The following OPHN1 variants were observed in gnomAD, a reference collection of about 807,000 sequenced individuals.
OPHN1 encodes oligophrenin 1.
Under a neutral mutation model 60.7 loss-of-function variants are expected in OPHN1, and 11 were observed. The ratio of observed to expected loss-of-function variants is 0.18; its 90% confidence interval spans 0.11 to 0.30. OPHN1 has a LOEUF of 0.30. Ranked by LOEUF, OPHN1 falls within the 10% of genes least tolerant of loss-of-function variation. The pLI is 1.00. For missense variants in OPHN1, 449 were observed against 611.0 expected, an observed-to-expected ratio of 0.73 and a Z score of 2.80; for synonymous variants, 226 against 222.6, an observed-to-expected ratio of 1.02 and a Z score of -0.14.
intron 5 of OPHN1, among the ~76,000 whole-genome samples, chrX:68,264,974 T>G: frequency 8.9e-6 from 1 of 112,185 alleles, no homozygotes; most frequent in Non-Finnish European, 1.9e-5. Context: ...GCAGCGAGGC[T>G]GGGGGAGGGG....
In OPHN1 at chrX:68,339,088, AT is replaced by A. The variant is rs1249408777; in HGVS notation, c.155-39993del. On this transcript the variant is annotated intron_variant, in intron 2 of 24. Transcript: ENST00000355520. Reference sequence around the variant, plus strand: ...GTGAGACCCTGTCTGAAAAAAAAAAATATATATATATATATATTTATATATA... The same window carrying A: ...GTGAGACCCTGTCTGAAAAAAAAAAAATATATATATATATATTTATATATA... Among the ~76,000 whole-genome samples the A allele has an allele frequency of 1.8e-3, 156 of 88,999 alleles. No homozygotes were observed. The Middle Eastern group carries it at 0.021, about 12-fold the overall frequency. The allele number at this position is 88,999 out of a possible 115,157, so 77.3% of individuals were successfully genotyped here.
intron 16 of OPHN1, 36 bp downstream of exon 16, chrX:68,119,212 T>C (rs1367743831): frequency 9.6e-7 from 1 of 1,038,648 alleles, no homozygotes; most frequent in South Asian, 1.9e-5. Context: ...TTTCACCAGC[T>C]ATGAAAAGCA....
chrX:68,426,239 G>A (rs1333477369), intron 2 of OPHN1, among the ~76,000 whole-genome samples: 1 of 110,445 alleles, frequency 9.1e-6, no homozygotes, highest in Admixed American at 9.6e-5. Flanking sequence ...TCAGGAGTTC[G>A]AGACCAGCCT....
At chrX:68,387,313 A>G (rs1041600603) in intron 2 of OPHN1, among the ~76,000 whole-genome samples, 1 of 108,792 alleles carries the variant, frequency 9.2e-6, no homozygotes, top group Non-Finnish European at 1.9e-5. Flanking sequence ...GTTTCTCACC[A>G]TCTCCACCAC....
At position 68,108,519 on chromosome X, in the gene OPHN1, T is replaced by C. The variant is rs777798759; in HGVS notation, c.1526+3335A>G. On this transcript the variant is annotated intron_variant, in intron 18 of 24. Coordinates refer to ENST00000355520, the MANE Select transcript of OPHN1 (RefSeq NM_002547.3). The stretch of plus-strand genomic sequence containing the variant: ...TATGTCTTTTTTATCAGTATCTCTT[T>C]TGTACACTATAAACTTAGCTTGTGA... Among the ~76,000 whole-genome samples the C allele has an allele frequency of 1.3e-4, 14 of 111,947 alleles. No individual in the cohort carries two copies. In the South Asian group the frequency reaches 5.2e-3, roughly 42 times the overall value.
chrX:68,111,739 A>G, intron 18 of OPHN1, 115 bp downstream of exon 18: 1 of 551,196 alleles, frequency 1.8e-6, no homozygotes, highest in South Asian at 2.4e-5. Context: ...TTCAGCTTCC[A>G]AGGAAGCACT....
chrX:68,283,154 A>C, intron 3 of OPHN1, 37 bp from the exon 4 acceptor site: 1 of 1,082,454 alleles, frequency 9.2e-7, no homozygotes, highest in Non-Finnish European at 1.3e-6. Context: ...CAAATTAATC[A>C]TGGTGCTTGA....
At chrX:68,117,843 C>T (rs780557616) in intron 16 of OPHN1, among the ~76,000 whole-genome samples, 1 of 111,702 alleles carries the variant, frequency 9.0e-6, no homozygotes, top group Non-Finnish European at 1.9e-5. Flanking sequence ...GCCGCCCACT[C>T]GCACTTTCAG....
chrX:68,196,858 T>C (rs1277849400), intron 12 of OPHN1, among the ~76,000 whole-genome samples: 1 of 112,249 alleles, frequency 8.9e-6, no homozygotes, highest in Non-Finnish European at 1.9e-5. Flanking sequence ...ATATTGATTT[T>C]ATAACCTGAA....
At chrX:68,245,441 T>C (rs1223165919) in intron 5 of OPHN1, among the ~76,000 whole-genome samples, 3 of 112,488 alleles carry the variant, frequency 2.7e-5, no homozygotes, top group African/African-American at 9.7e-5. Context: ...ATTTCCTTAT[T>C]TAAATAGTAA....
In OPHN1 at chrX:68,132,048, G is replaced by T. The variant is rs781427679; in HGVS notation, c.1277-12716C>A. 5.4e-5 allele frequency among the ~76,000 whole-genome samples: 6 copies of T among 111,981 alleles called. No homozygotes were observed. The South Asian group carries it at 1.9e-3, about 35-fold the overall frequency. ...AAAACACTACATATCAAAATCTGTG[G>T]GATACATTTAATGAGGCGATTAGAG... is the stretch of plus-strand genomic sequence containing the variant. On this transcript the variant is annotated intron_variant, in intron 15 of 24. Transcript: ENST00000355520.
chrX:68,377,329 C>G (rs1264079253), intron 2 of OPHN1, among the ~76,000 whole-genome samples: 1 of 109,432 alleles, frequency 9.1e-6, no homozygotes, highest in Non-Finnish European at 1.9e-5. Flanking sequence ...ATCTCCTGAC[C>G]TCGTGATCCG....
At chrX:68,308,261 T>A (rs1602313159) in intron 2 of OPHN1, among the ~76,000 whole-genome samples, 1 of 111,729 alleles carries the variant, frequency 9.0e-6, no homozygotes, top group Admixed American at 9.5e-5. Flanking sequence ...TGTGGGGGGA[T>A]TAAAATAAGA....
At chrX:68,079,633 A>G (rs780439177) in intron 19 of OPHN1, among the ~76,000 whole-genome samples, 1 of 111,561 alleles carries the variant, frequency 9.0e-6, no homozygotes, top group African/African-American at 3.3e-5. Context: ...CGCTTTCTCA[A>G]CCGTGTCATC....
intron 5 of OPHN1, among the ~76,000 whole-genome samples, chrX:68,270,703 C>T (rs1322865113): frequency 9.2e-6 from 1 of 109,053 alleles, no homozygotes; most frequent in Non-Finnish European, 1.9e-5. Context: ...CAAACCTGCA[C>T]GTTGTGCACA....
At chrX:68,234,665 G>T in intron 5 of OPHN1, 77 bp from the exon 6 acceptor site, 2 of 802,345 alleles carry the variant, frequency 2.5e-6, no homozygotes, top group Non-Finnish European at 3.8e-6. Flanking sequence ...GAATGAAGGA[G>T]ATAGTGTCAG....
intron 2 of OPHN1, among the ~76,000 whole-genome samples, chrX:68,345,285 AC>A (rs2078373592): frequency 1.8e-5 from 2 of 111,801 alleles, no homozygotes; most frequent in African/African-American, 6.5e-5. Context: ...AGTTCAGCTT[AC>A]CAAAGCCACC....
chrX:68,059,560 A>G (rs184235136), intron 21 of OPHN1, among the ~76,000 whole-genome samples: 2 of 112,389 alleles, frequency 1.8e-5, no homozygotes, highest in Non-Finnish European at 1.9e-5. Flanking sequence ...TTATTAAAGC[A>G]TAAGTCCAAA....
At chrX:68,242,874 C>CT (rs36050001) in intron 5 of OPHN1, among the ~76,000 whole-genome samples, 36 of 104,612 alleles carry the variant, frequency 3.4e-4, no homozygotes, top group Admixed American at 1.5e-3. Context: ...TAAGAAAATT[C>CT]TTTTTTTTTT....
Sources: allele counts gnomAD v4.1 joint callset (sites outside exome capture counted in the v4.1 genomes callset), GRCh38; gene constraint gnomAD v4.1.1; transcripts MANE v1.5; gene names NCBI Gene and HGNC (gene_info 2026-07-23, HGNC 2026-07-21).